Variants in GMDS observed in about 807,000 individuals in gnomAD.
The protein encoded by GMDS is GDP-mannose 4,6 dehydratase.
A neutral mutation model predicts 49.9 loss-of-function variants in GMDS; 20 were observed. The observed-to-expected ratio is 0.40, with a 90% CI of 0.28 to 0.58. The LOEUF (loss-of-function observed/expected upper bound fraction) is 0.58. Among genes scored for constraint, GMDS ranks in the 20% least tolerant of loss-of-function variants. The probability of loss-of-function intolerance (pLI) is 0.42; values close to 1 mark genes in which losing one functional copy is unlikely to be tolerated. For synonymous variants in GMDS, 177 were observed against 178.6 expected, an observed-to-expected ratio of 0.99 and a Z score of 0.07; for missense variants, 362 against 481.4, an observed-to-expected ratio of 0.75 and a Z score of 2.32.
intron 7 of GMDS, among the ~76,000 whole-genome samples, chr6:1,884,618 AAT>A (rs1216215260): frequency 6.6e-6 from 1 of 152,236 alleles, no homozygotes; most frequent in African/African-American, 2.4e-5. Flanking sequence ...GAAGCAGTGG[AAT>A]GCAAATAATC....
chr6:1,929,697 T>A (rs1157806974), intron 7 of GMDS, among the ~76,000 whole-genome samples: 4 of 152,154 alleles, frequency 2.6e-5, no homozygotes, highest in Admixed American at 2.6e-4. Context: ...TTGGCGGGAC[T>A]TAGTAGAATA....
intron 1 of GMDS, among the ~76,000 whole-genome samples, chr6:2,206,076 T>C (rs904942108): frequency 3.3e-4 from 50 of 152,206 alleles, no homozygotes; most frequent in Middle Eastern, 3.4e-3. Context: ...CTGACCAACA[T>C]GGAGAAATCA....
chr6:2,235,649 A>C (rs1046860633), intron 1 of GMDS, among the ~76,000 whole-genome samples: 2 of 151,690 alleles, frequency 1.3e-5, no homozygotes, highest in African/African-American at 4.8e-5. Context: ...TAACAAAAAA[A>C]AAAAATACAA....
At chr6:1,730,419 C>T (rs560575838) in intron 8 of GMDS, among the ~76,000 whole-genome samples, 1 of 152,248 alleles carries the variant, frequency 6.6e-6, no homozygotes, top group South Asian at 2.1e-4. Flanking sequence ...GAGAATGGCC[C>T]CAATTTACAC....
chr6:1,737,614 AACAC>A (rs374497390), intron 8 of GMDS, among the ~76,000 whole-genome samples: 22 of 145,686 alleles, frequency 1.5e-4, no homozygotes, highest in African/African-American at 4.7e-4. Context: ...ACACACCACA[AACAC>A]ACACACAGAT....
chr6:2,079,034 T>C lies in GMDS; in HGVS notation c.345+36737A>G, dbSNP rs186345898. Among the ~76,000 whole-genome samples the C allele has an allele frequency of 8.7e-4, 129 of 147,580 alleles. 3 individuals carry two copies. The East Asian group carries it at 0.022, about 25-fold the overall frequency. ...ATGACCTTGTCTTTTTTTTTTTTTTTTTTTTTTTTTTACTGTGTTTGACTT... is the reference window on the plus strand; with the variant it reads ...ATGACCTTGTCTTTTTTTTTTTTTTCTTTTTTTTTTTACTGTGTTTGACTT... On this transcript the variant is annotated intron_variant, in intron 4 of 10. Transcript: ENST00000380815.
At position 2,083,882 on chromosome 6, in the gene GMDS, C is replaced by A. The variant is rs1243848420; in HGVS notation, c.345+31889G>T. ...TATTCCAGTTAATTGGGGGGTATTA[C>A]AATGGCCCACATTAACAGAAATTAT... On this transcript the variant is annotated intron_variant, in intron 4 of 10. Coordinates refer to ENST00000380815, the MANE Select transcript of GMDS (RefSeq NM_001500.4). Among the ~76,000 whole-genome samples the A allele has an allele frequency of 3.9e-5, 6 of 152,188 alleles. No homozygotes were observed. In the South Asian group the frequency reaches 6.2e-4, roughly 16 times the overall value.
intron 7 of GMDS, among the ~76,000 whole-genome samples, chr6:1,743,517 T>G: frequency 2.4e-5 from 3 of 123,164 alleles, no homozygotes; most frequent in African/African-American, 5.9e-5. Flanking sequence ...CACTCCAGCC[T>G]GGACGACAGA....
chr6:2,081,211 A>C (rs192249899), intron 4 of GMDS, among the ~76,000 whole-genome samples: 67 of 152,306 alleles, frequency 4.4e-4, no homozygotes, highest in South Asian at 1.9e-3. Context: ...TGGTGGAAAA[A>C]AAAACAAAAC....
intron 8 of GMDS, among the ~76,000 whole-genome samples, chr6:1,740,456 C>G (rs1018450289): frequency 1.3e-5 from 2 of 151,572 alleles, no homozygotes; most frequent in East Asian, 3.9e-4. Flanking sequence ...ACTTGGGAGG[C>G]TGAGGCAGGA....
chr6:2,086,144 T>C (rs1773000080), intron 4 of GMDS, among the ~76,000 whole-genome samples: 1 of 152,174 alleles, frequency 6.6e-6, no homozygotes, highest in South Asian at 2.1e-4. Context: ...CCTGATTTTC[T>C]TCCAGACATG....
chr6:1,654,677 C>T lies in GMDS; in HGVS notation c.988-30137G>A, dbSNP rs538183212. ...TGGAGATGGGTGGTGGTGATGGCTG[C>T]ACAACACTGTGAATGTACTTAATGC... On this transcript the variant is annotated intron_variant, in intron 9 of 10. Coordinates refer to ENST00000380815, the MANE Select transcript of GMDS (RefSeq NM_001500.4). Among the ~76,000 whole-genome samples the T allele has an allele frequency of 5.3e-5, 8 of 152,186 alleles. No homozygotes were observed. The South Asian group carries it at 1.7e-3, about 32-fold the overall frequency.
intron 3 of GMDS, among the ~76,000 whole-genome samples, chr6:2,116,424 C>T (rs79021110): frequency 2.0e-5 from 3 of 152,300 alleles, no homozygotes; most frequent in East Asian, 3.9e-4. Context: ...ACACTGACTT[C>T]ATTAGCATAA....
intron 7 of GMDS, among the ~76,000 whole-genome samples, chr6:1,904,150 T>C (rs1019376498): frequency 2.6e-5 from 4 of 152,168 alleles, no homozygotes; most frequent in African/African-American, 9.7e-5. Context: ...CAGAAGAGAA[T>C]GGCTTCTGAG....
At chr6:2,126,959 C>G (rs1486573420) in intron 1 of GMDS, among the ~76,000 whole-genome samples, 1 of 152,188 alleles carries the variant, frequency 6.6e-6, no homozygotes, top group African/African-American at 2.4e-5. Flanking sequence ...TTTCTTCTGA[C>G]TTCTTGAGGT....
At chr6:1,808,984 A>G (rs1770299243) in intron 7 of GMDS, among the ~76,000 whole-genome samples, 1 of 152,206 alleles carries the variant, frequency 6.6e-6, no homozygotes, top group African/African-American at 2.4e-5. Context: ...ATGGAATTAA[A>G]CACAATTAGT....
chr6:2,154,428 C>A (rs1024094895), intron 1 of GMDS, among the ~76,000 whole-genome samples: 1 of 151,868 alleles, frequency 6.6e-6, no homozygotes, highest in East Asian at 1.9e-4. Context: ...AACTAACATA[C>A]AAAAAGTAAT....
At chr6:1,750,731 C>A in intron 7 of GMDS, among the ~76,000 whole-genome samples, 1 of 152,098 alleles carries the variant, frequency 6.6e-6, no homozygotes, top group East Asian at 1.9e-4. Context: ...GAACCGTTCA[C>A]TCCCCTGGAA....
intron 7 of GMDS, among the ~76,000 whole-genome samples, chr6:1,841,958 T>A (rs1461503516): frequency 6.6e-6 from 1 of 152,200 alleles, no homozygotes; most frequent in Non-Finnish European, 1.5e-5. Context: ...CTTCCTCATA[T>A]CTTCTCTGGA....
Sources: allele counts gnomAD v4.1 joint callset (sites outside exome capture counted in the v4.1 genomes callset), GRCh38; gene constraint gnomAD v4.1.1; transcripts MANE v1.5; gene names NCBI Gene and HGNC (gene_info 2026-07-23, HGNC 2026-07-21).